The following CCDC169 variants were observed in gnomAD, a reference collection of about 807,000 sequenced individuals.
CCDC169 encodes coiled-coil domain-containing protein 169.
CCDC169 carries 30 observed loss-of-function variants against 36.0 expected under a neutral mutation model. The ratio of observed to expected loss-of-function variants is 0.83; its 90% CI spans 0.62 to 1.13. CCDC169 has a LOEUF of 1.13. Among genes scored for constraint, CCDC169 ranks in the 50% most tolerant of loss-of-function variants. The probability of loss-of-function intolerance (pLI) is 0.00; values close to 1 mark genes in which losing one functional copy is unlikely to be tolerated. For missense variants in CCDC169, 245 were observed against 245.9 expected (o/e 1.00, Z 0.03); for synonymous variants, 85 against 81.5 (o/e 1.04, Z -0.23).
In CCDC169 at chr13:36,240,988, G is replaced by A. The variant is rs74045284; in HGVS notation, c.545+7618C>T. Among the ~76,000 whole-genome samples, 591 of 152,050 alleles carry A rather than the reference G, an allele frequency of 3.9e-3. 2 individuals are homozygous for A. The highest frequency in any genetic ancestry group is 0.014 in the African/African-American group (567 of 41,482). Reference sequence around the variant, plus strand: ...AGCAGTATAGATATCTTGTTCATTTGTGGTCATAATACATAGTATTATGTC... The same window carrying A: ...AGCAGTATAGATATCTTGTTCATTTATGGTCATAATACATAGTATTATGTC... On this transcript the variant is annotated intron_variant, in intron 7 of 7. Coordinates refer to ENST00000239859, the MANE Select transcript of CCDC169 (RefSeq NM_001144981.3).
chr13:36,289,659 T>C (rs1878636393), intron 2 of CCDC169, among the ~76,000 whole-genome samples: 1 of 152,226 alleles, frequency 6.6e-6, no homozygotes, highest in South Asian at 2.1e-4. Context: ...AACATTTTAC[T>C]TTTTATCAAA....
Position 36,297,683 on chromosome 13 carries a change from T to C in CCDC169, c.37A>G (p.Ser13Gly). 6.4e-7 allele frequency: 1 copy of C among 1,551,336 alleles called. No individual in the cohort carries two copies. The part of the protein sequence containing the change: ...EERNYNFDGV[S>G]TNRLKQQLLE... ...AACTGCTGTTTCAGGCGGTTGGTGCTCACACCGTCGAAGTTGTAGTTTCTC... is the reference window on the plus strand; with the variant it reads ...AACTGCTGTTTCAGGCGGTTGGTGCCCACACCGTCGAAGTTGTAGTTTCTC... The change falls in exon 1 of 8, where the codon AGC becomes GGC. Residue 13 changes from serine (S) to glycine (G), a missense_variant. Ser to Gly is a moderately conservative substitution (Grantham distance 56). Transcript: ENST00000239859.
At chr13:36,277,492 A>G (rs1279330325) in intron 4 of CCDC169, among the ~76,000 whole-genome samples, 1 of 152,190 alleles carries the variant, frequency 6.6e-6, no homozygotes, top group Non-Finnish European at 1.5e-5. Flanking sequence ...AAAAAAGAAT[A>G]TACCTTTAAT....
At chr13:36,255,962 G>C (rs1873825785) in intron 4 of CCDC169, among the ~76,000 whole-genome samples, 2 of 152,120 alleles carry the variant, frequency 1.3e-5, no homozygotes, top group African/African-American at 2.4e-5. Context: ...GCACGGTGTG[G>C]GCCAGGGAGG....
At chr13:36,242,899 G>GT (rs1330631958) in intron 7 of CCDC169, among the ~76,000 whole-genome samples, 1 of 152,178 alleles carries the variant, frequency 6.6e-6, no homozygotes, top group Non-Finnish European at 1.5e-5. Flanking sequence ...ACATAAGGGG[G>GT]TGGGGAGGAA....
intron 4 of CCDC169, among the ~76,000 whole-genome samples, chr13:36,263,018 C>T (rs78866594): frequency 6.6e-6 from 1 of 152,094 alleles, no homozygotes; most frequent in Non-Finnish European, 1.5e-5. Flanking sequence ...CAAACCAAAC[C>T]AAAATGCCCT....
chr13:36,290,043 G>A (rs1878679480), intron 2 of CCDC169, among the ~76,000 whole-genome samples: 1 of 152,128 alleles, frequency 6.6e-6, no homozygotes, highest in East Asian at 1.9e-4. Context: ...GTCCTTATCA[G>A]GTGTTATTAA....
At chr13:36,275,386 C>G (rs1876667754) in intron 4 of CCDC169, among the ~76,000 whole-genome samples, 1 of 152,112 alleles carries the variant, frequency 6.6e-6, no homozygotes, top group Non-Finnish European at 1.5e-5. Flanking sequence ...GTGGACAGCA[C>G]TGTTACTAGA....
intron 2 of CCDC169, among the ~76,000 whole-genome samples, chr13:36,285,083 T>C (rs1878002937): frequency 6.6e-6 from 1 of 152,208 alleles, no homozygotes; most frequent in South Asian, 2.1e-4. Flanking sequence ...TGTCATGGTA[T>C]CCCCTTTCCT....
At chr13:36,246,664 ATATGTCT>A (rs2138441909) in intron 7 of CCDC169, among the ~76,000 whole-genome samples, 1 of 152,336 alleles carries the variant, frequency 6.6e-6, no homozygotes, top group South Asian at 2.1e-4. Flanking sequence ...GAGGAATTAA[ATATGTCT>A]TATGTGTTGC....
At chr13:36,277,250 G>A (rs1207861385) in intron 4 of CCDC169, among the ~76,000 whole-genome samples, 1 of 152,094 alleles carries the variant, frequency 6.6e-6, no homozygotes, top group Non-Finnish European at 1.5e-5. Context: ...ACTTATAAGT[G>A]GGGCCTGAAC....
chr13:36,281,649 C>T (rs989601079), intron 4 of CCDC169, among the ~76,000 whole-genome samples: 1 of 152,104 alleles, frequency 6.6e-6, no homozygotes, highest in African/African-American at 2.4e-5. Context: ...ATTGCTTGAG[C>T]TCAGGAGTTC....
At chr13:36,286,051 C>A (rs1341944077) in intron 2 of CCDC169, among the ~76,000 whole-genome samples, 1 of 152,208 alleles carries the variant, frequency 6.6e-6, no homozygotes, top group South Asian at 2.1e-4. Flanking sequence ...TTTAGTGTCC[C>A]GTATGGTGAG....
chr13:36,225,125 T>C (rs754911678), downstream of CCDC169: 4 of 152,090 alleles, frequency 2.6e-5, no homozygotes, highest in Non-Finnish European at 5.9e-5. Context: ...CCTTTCACCA[T>C]ATGCAAAAAT....
chr13:36,235,301 A>G (rs1870939582), intron 7 of CCDC169, among the ~76,000 whole-genome samples: 1 of 151,886 alleles, frequency 6.6e-6, no homozygotes, highest in Admixed American at 6.6e-5. Flanking sequence ...GAAATAGGAG[A>G]GAACACCTTC....
chr13:36,246,934 C>T (rs1313994573), intron 7 of CCDC169, among the ~76,000 whole-genome samples: 1 of 152,114 alleles, frequency 6.6e-6, no homozygotes, highest in Non-Finnish European at 1.5e-5. Flanking sequence ...CCAGACATTC[C>T]TAGCTAGAGA....
intron 4 of CCDC169, among the ~76,000 whole-genome samples, chr13:36,264,124 T>C (rs1183092285): frequency 6.6e-6 from 1 of 152,184 alleles, no homozygotes; most frequent in Admixed American, 6.5e-5. Context: ...ATTTTGGCAT[T>C]AAAGATAACC....
At position 36,256,077 on chromosome 13, in the gene CCDC169, CA is replaced by C. The variant is rs549324040; in HGVS notation, c.316-1935del. Among the ~76,000 whole-genome samples the C allele has an allele frequency of 5.9e-5, 9 of 152,316 alleles. No individual in the cohort carries two copies. The East Asian group carries it at 1.5e-3, about 26-fold the overall frequency. ...GCCTGCAAGCGTTGCTTCCATCTTGCAATTTCTTGGCTGGGCAGCTGTGCAG... is the reference window on the plus strand; with the variant it reads ...GCCTGCAAGCGTTGCTTCCATCTTGCATTTCTTGGCTGGGCAGCTGTGCAG... On this transcript the variant is annotated intron_variant, in intron 4 of 7. Transcript: ENST00000239859.
At chr13:36,253,960 G>A in intron 5 of CCDC169, 85 bp downstream of exon 5, 1 of 1,530,826 alleles carries the variant, frequency 6.5e-7, no homozygotes, top group East Asian at 2.5e-5. Context: ...AAATAGTTTT[G>A]TGTTAATTAT....
Sources: allele counts gnomAD v4.1 joint callset (sites outside exome capture counted in the v4.1 genomes callset), GRCh38; gene constraint gnomAD v4.1.1; transcripts MANE v1.5; gene names NCBI Gene and HGNC (gene_info 2026-07-23, HGNC 2026-07-21).